NMD3: variants seen among roughly 807,000 people sequenced by gnomAD.
NMD3 encodes NMD3 ribosome export adaptor.
A neutral mutation model predicts 73.1 loss-of-function variants in NMD3; 47 were observed. That is an observed-to-expected ratio of 0.64 (90% confidence interval 0.51 to 0.82). NMD3 has a LOEUF of 0.82. NMD3 is among the 40% of genes least tolerant of loss of function. The probability of loss-of-function intolerance (pLI) is 0.00; values close to 1 mark genes in which losing one functional copy is unlikely to be tolerated. For synonymous variants in NMD3, 210 were observed against 194.5 expected (o/e 1.08, Z -0.66); for missense variants, 554 against 612.5 (o/e 0.90, Z 1.01).
At chr3:161,229,071 A>G (rs917841119) in intron 4 of NMD3, among the ~76,000 whole-genome samples, 5 of 152,172 alleles carry the variant, frequency 3.3e-5, no homozygotes, top group Non-Finnish European at 7.4e-5. Flanking sequence ...CAAAAGCAAG[A>G]GCATACTTGT....
chr3:161,240,403 C>G (rs1736921189), intron 9 of NMD3, among the ~76,000 whole-genome samples: 1 of 152,014 alleles, frequency 6.6e-6, no homozygotes, highest in Non-Finnish European at 1.5e-5. Context: ...TATAGAATCA[C>G]TCTCCTGCTA....
intron 11 of NMD3, among the ~76,000 whole-genome samples, chr3:161,243,237 G>A (rs1038874213): frequency 1.3e-5 from 2 of 152,118 alleles, no homozygotes; most frequent in Non-Finnish European, 2.9e-5. Flanking sequence ...ATTAGGCACA[G>A]TAAGAGATTA....
intron 4 of NMD3, among the ~76,000 whole-genome samples, chr3:161,228,383 T>G (rs1019661247): frequency 2.0e-5 from 3 of 152,140 alleles, no homozygotes; most frequent in Non-Finnish European, 2.9e-5. Context: ...CCTTTTTGGT[T>G]TTTTTCGCTC....
At chr3:161,246,138 ATTGT>A (rs532395297) in intron 11 of NMD3, among the ~76,000 whole-genome samples, 194 bp from the exon 12 acceptor site, 3 of 152,216 alleles carry the variant, frequency 2.0e-5, no homozygotes, top group Non-Finnish European at 2.9e-5. Flanking sequence ...ATTTTTATGA[ATTGT>A]TTGTGAGTCT....
At chr3:161,233,771 C>G (rs1425366244) in intron 5 of NMD3, among the ~76,000 whole-genome samples, 1 of 151,554 alleles carries the variant, frequency 6.6e-6, no homozygotes, top group African/African-American at 2.4e-5. Flanking sequence ...TGTAATGACT[C>G]ATCATAACTG....
intron 11 of NMD3, among the ~76,000 whole-genome samples, chr3:161,244,522 C>T (rs1275333337): frequency 1.3e-5 from 2 of 152,078 alleles, no homozygotes; most frequent in African/African-American, 2.4e-5. Context: ...CTTACATGTA[C>T]AGGTGGTGTC....
chr3:161,242,565 C>T lies in NMD3; in HGVS notation c.929C>T (p.Pro310Leu). 6.2e-7 allele frequency: 1 copy of T among 1,613,346 alleles called. No individual in the cohort carries two copies. Among genetic ancestry groups the T allele is most frequent in the Non-Finnish European group, 8.5e-7 (1 of 1,179,488 alleles). Reference protein sequence around the residue: ...WSHPFNSLCHPKQLEEFIVME... With the variant: ...WSHPFNSLCHLKQLEEFIVME... Reference sequence around the variant, plus strand: ...CACCCTTTCAATAGTTTATGTCATCCCAAACAGCTAGAGGAGTTTATTGTG... The same window carrying T: ...CACCCTTTCAATAGTTTATGTCATCTCAAACAGCTAGAGGAGTTTATTGTG... Residue 310 changes from proline to leucine, a missense_variant, in exon 11 of 16, where the codon CCC becomes CTC. Coordinates refer to ENST00000351193, the MANE Select transcript of NMD3 (RefSeq NM_015938.5).
intron 9 of NMD3, among the ~76,000 whole-genome samples, chr3:161,240,125 T>A (rs1458130549): frequency 6.6e-6 from 1 of 152,230 alleles, no homozygotes; most frequent in African/African-American, 2.4e-5. Flanking sequence ...TGGAAACTCA[T>A]GTATTAAAAA....
chr3:161,225,054 C>A lies in NMD3; in HGVS notation c.169C>A (p.Gln57Lys). 6.2e-7 allele frequency: 1 copy of A among 1,613,580 alleles called. No homozygotes were observed. Among genetic ancestry groups the A allele is most frequent in the Non-Finnish European group, 8.5e-7 (1 of 1,179,864 alleles). The change falls in exon 3 of 16, where the codon CAA becomes AAA. Residue 57 changes from glutamine (Q) to lysine (K), a missense_variant. Transcript: ENST00000351193. ...ACAAGTCTCGATTTCGTTCTGCAAA[C>A]AATGTCAAAGGTACAGTGCGGTACA... ...PKQVSISFCK[Q>K]CQRYFQPPGT...
At chr3:161,250,224 T>C in intron 14 of NMD3, 32 bp from the exon 15 acceptor site, 1 of 1,179,500 alleles carries the variant, frequency 8.5e-7, no homozygotes, top group Non-Finnish European at 1.3e-6. Context: ...ACTATATTTT[T>C]GGTGATGAAA....
At chr3:161,227,389 A>T in intron 4 of NMD3, 46 bp downstream of exon 4, 1 of 1,158,598 alleles carries the variant, frequency 8.6e-7, no homozygotes, top group Non-Finnish European at 1.3e-6. Context: ...TGTTTTCATT[A>T]AAGGTCTCAT....
chr3:161,226,222 G>C (rs979117562), intron 3 of NMD3, among the ~76,000 whole-genome samples: 1 of 152,162 alleles, frequency 6.6e-6, no homozygotes, highest in Non-Finnish European at 1.5e-5. Flanking sequence ...AGGAGGCTGA[G>C]GCGGGTGGAT....
At chr3:161,234,556 C>G (rs562503944) in intron 5 of NMD3, among the ~76,000 whole-genome samples, 171 bp from the exon 6 acceptor site, 15 of 151,902 alleles carry the variant, frequency 9.9e-5, no homozygotes, top group African/African-American at 3.4e-4. Flanking sequence ...GTATACCGTT[C>G]TTGAAATAGT....
intron 4 of NMD3, among the ~76,000 whole-genome samples, chr3:161,228,942 A>G (rs1736432695): frequency 6.6e-6 from 1 of 152,190 alleles, no homozygotes. Flanking sequence ...AAGGGTGTTT[A>G]GGGGAGGGCT....
At chr3:161,244,779 T>C (rs1474882329) in intron 11 of NMD3, among the ~76,000 whole-genome samples, 27 of 151,908 alleles carry the variant, frequency 1.8e-4, no homozygotes, top group Non-Finnish European at 4.4e-5. Context: ...GCCACACCTG[T>C]CTCATTTCTA....
chr3:161,229,145 G>A (rs1384424535), intron 4 of NMD3, among the ~76,000 whole-genome samples: 1 of 152,190 alleles, frequency 6.6e-6, no homozygotes, highest in African/African-American at 2.4e-5. Flanking sequence ...AGTCATGGAA[G>A]GCCACAGTGT....
At position 161,250,313 on chromosome 3, in the gene NMD3, C is replaced by G; in HGVS notation, c.1368C>G (p.Val456=). The G allele has an allele frequency of 1.3e-6, 2 of 1,598,720 alleles. No homozygotes were observed. Among genetic ancestry groups the G allele is most frequent in the Non-Finnish European group, 1.7e-6 (2 of 1,166,734 alleles). The part of the protein sequence containing the change: ...LEEDEAIRKN[V]NIYRDSAIPV... ...AAGATGAGGCAATTCGAAAAAATGT[C>G]AACATTTACAGAGGTTGGTGTTCTA... The change falls in exon 15 of 16, where the codon GTC becomes GTG. Residue 456 remains valine, a synonymous_variant. Coordinates refer to ENST00000351193, the MANE Select transcript of NMD3 (RefSeq NM_015938.5).
intron 9 of NMD3, among the ~76,000 whole-genome samples, chr3:161,240,703 A>G (rs1371260952): frequency 1.3e-5 from 2 of 151,086 alleles, no homozygotes; most frequent in Non-Finnish European, 2.9e-5. Context: ...TAAAATATAT[A>G]TATATATGTA....
At chr3:161,231,559 G>A (rs1736546072) in intron 4 of NMD3, among the ~76,000 whole-genome samples, 1 of 152,182 alleles carries the variant, frequency 6.6e-6, no homozygotes, top group African/African-American at 2.4e-5. Flanking sequence ...ATACAAAGAT[G>A]AATAGATTAC....
Sources: gnomAD v4.1 joint callset for allele counts (sites outside exome capture counted in the v4.1 genomes callset) on GRCh38, gnomAD v4.1.1 for gene constraint, MANE v1.5 for transcripts, NCBI Gene and HGNC (gene_info 2026-07-23, HGNC 2026-07-21) for gene names.